The following ZC3H12C variants were observed in gnomAD, a reference collection of about 807,000 sequenced individuals.
ZC3H12C encodes the protein zinc finger CCCH-type containing 12C.
In ZC3H12C, 20 loss-of-function variants were observed where a neutral mutation model predicts 76.3. That is an observed-to-expected ratio of 0.26 (90% CI 0.18 to 0.38). The LOEUF (loss-of-function observed/expected upper bound fraction) is 0.38, where lower values mean the gene tolerates loss of function less well. ZC3H12C is among the 10% of genes least tolerant of loss of function. The pLI, the probability that ZC3H12C is intolerant of heterozygous loss-of-function variation, is 1.00. For synonymous variants in ZC3H12C, 352 were observed against 399.6 expected (o/e 0.88, Z 1.42); for missense variants, 874 against 1,086.5 (o/e 0.80, Z 2.75).
intron 1 of ZC3H12C, among the ~76,000 whole-genome samples, chr11:110,130,459 T>G (rs965558548): frequency 6.6e-6 from 1 of 152,296 alleles, no homozygotes; most frequent in African/African-American, 2.4e-5. Flanking sequence ...GGGAAATAGT[T>G]TGACTATACC....
At chr11:110,144,807 A>C (rs1025537226) in intron 2 of ZC3H12C, among the ~76,000 whole-genome samples, 5 of 152,156 alleles carry the variant, frequency 3.3e-5, no homozygotes, top group African/African-American at 1.2e-4. Context: ...AAAAAGAGGC[A>C]GTCTCTTTTT....
Position 110,170,679 on chromosome 11 carries a change from G to A in ZC3H12C, c.*4942G>A, listed in dbSNP as rs534347679. 1.1e-4 allele frequency: 16 copies of A among 152,250 alleles called. No homozygotes were observed. The highest frequency in any genetic ancestry group is 5.2e-4 in the Admixed American group (8 of 15,292). 9.4% of individuals were successfully genotyped at this position (152,250 alleles called of 1,614,324 possible). A position where few individuals can be genotyped will look rare whatever the true frequency, so the allele number is the denominator to read the frequency against. ...TATGATCATATGTAATTTTGAATTC[G>A]TTGGAAGTACACGCTGCTGAGCATG... On this transcript the variant is annotated 3_prime_UTR_variant, in exon 6 of 6. Transcript: ENST00000278590.
At position 110,168,458 on chromosome 11, in the gene ZC3H12C, C is replaced by G. The variant is rs910412599; in HGVS notation, c.*2721C>G. 1.3e-5 allele frequency: 2 copies of G among 152,116 alleles called. No homozygotes were observed. The highest frequency in any genetic ancestry group is 4.8e-5 in the African/African-American group (2 of 41,424). 9.4% of individuals were successfully genotyped at this position (152,116 alleles called of 1,614,324 possible). On this transcript the variant is annotated 3_prime_UTR_variant, in exon 6 of 6. Coordinates refer to ENST00000278590, the MANE Select transcript of ZC3H12C (RefSeq NM_033390.2). ...TCATTAAATTAAATCCATAGCTGAT[C>G]ACAAGCCTTCATTTTAGCCAAAACT...
chr11:110,098,939 G>A (rs1339175219), intron 1 of ZC3H12C, among the ~76,000 whole-genome samples: 2 of 152,156 alleles, frequency 1.3e-5, no homozygotes, highest in African/African-American at 4.8e-5. Context: ...AGTATTGTGA[G>A]GTTTAAGCAA....
rs1198933804 is a variant in ZC3H12C at position 110,170,984 on chromosome 11, GGT to G, written c.*5248_*5249del. On this transcript the variant is annotated 3_prime_UTR_variant, in exon 6 of 6. Transcript: ENST00000278590. Reference sequence around the variant, plus strand: ...CCTTAGTCTTTTAAAGACAATTTAAGGTATTGGCCATTTGGCAGTAGAAAATG... The same window carrying G: ...CCTTAGTCTTTTAAAGACAATTTAAGATTGGCCATTTGGCAGTAGAAAATG... 2 of 152,122 alleles carry G rather than the reference GGT, an allele frequency of 1.3e-5. No individual in the cohort carries two copies. Among genetic ancestry groups the G allele is most frequent in the African/African-American group, 2.4e-5 (1 of 41,434 alleles). The allele number at this position is 152,122 out of a possible 1,614,324, so 9.4% of individuals were successfully genotyped here. A position where few individuals can be genotyped will look rare whatever the true frequency, so the allele number is the denominator to read the frequency against.
chr11:110,105,769 A>T (rs926371959), intron 1 of ZC3H12C, among the ~76,000 whole-genome samples: 1 of 152,118 alleles, frequency 6.6e-6, no homozygotes, highest in Non-Finnish European at 1.5e-5. Flanking sequence ...TTCCTGTGTC[A>T]TAAACATCCT....
Position 110,137,271 on chromosome 11 carries a change from A to G in ZC3H12C, c.630A>G (p.Gln210=). ...VKLGNKSEAD[Q]TVSTINTITR... Reference sequence around the variant, plus strand: ...TTGGAAATAAAAGTGAGGCTGATCAAACGGTTAGTACAATTAACACTATAA... The same window carrying G: ...TTGGAAATAAAAGTGAGGCTGATCAGACGGTTAGTACAATTAACACTATAA... Residue 210 remains glutamine (Q), a synonymous_variant, in exon 2 of 6, where the codon CAA becomes CAG. Coordinates refer to ENST00000278590, the MANE Select transcript of ZC3H12C (RefSeq NM_033390.2). 1 of 1,613,958 alleles carries G rather than the reference A, an allele frequency of 6.2e-7. No homozygotes were observed. Among genetic ancestry groups the G allele is most frequent in the Non-Finnish European group, 8.5e-7 (1 of 1,179,876 alleles).
chr11:110,142,296 C>T (rs1862079954), intron 2 of ZC3H12C, among the ~76,000 whole-genome samples: 1 of 152,148 alleles, frequency 6.6e-6, no homozygotes, highest in South Asian at 2.1e-4. Context: ...CCTATTATCT[C>T]AAGTGTGCTT....
chr11:110,159,578 A>C, intron 4 of ZC3H12C, 88 bp downstream of exon 4: 3 of 1,110,914 alleles, frequency 2.7e-6, no homozygotes, highest in Non-Finnish European at 3.9e-6. Flanking sequence ...TCTTTTTGCC[A>C]CTGTCCAGAC....
rs909804463 is a variant in ZC3H12C, at chr11:110,107,012, A to G, written c.21+13580A>G. Among the ~76,000 whole-genome samples the G allele has an allele frequency of 5.3e-5, 8 of 152,352 alleles. No individual in the cohort carries two copies. The East Asian group carries it at 1.5e-3, about 29-fold the overall frequency. On this transcript the variant is annotated intron_variant, in intron 1 of 5. Coordinates refer to ENST00000278590, the MANE Select transcript of ZC3H12C (RefSeq NM_033390.2). Reference sequence around the variant, plus strand: ...AATAGGACTTCTTGTTTTCTAACACAGGTATCTCCTGCTTATATACACATG... The same window carrying G: ...AATAGGACTTCTTGTTTTCTAACACGGGTATCTCCTGCTTATATACACATG...
At chr11:110,093,987 C>T (rs1397360917) in intron 1 of ZC3H12C, among the ~76,000 whole-genome samples, 3 of 152,198 alleles carry the variant, frequency 2.0e-5, no homozygotes, top group Non-Finnish European at 1.5e-5. Flanking sequence ...CTCCTTCACC[C>T]CCAGGCTCCA....
At chr11:110,124,404 C>G (rs1034628735) in intron 1 of ZC3H12C, 7 of 152,102 alleles carry the variant, frequency 4.6e-5, no homozygotes, top group Admixed American at 1.3e-4. Flanking sequence ...GATCAGCACA[C>G]TGCTGCATGC....
chr11:110,097,329 T>C (rs7126991), intron 1 of ZC3H12C, among the ~76,000 whole-genome samples: 106,942 of 152,150 alleles, frequency 0.7, 37,863 homozygotes, highest in East Asian at 0.89. Flanking sequence ...ATTCTGCCTT[T>C]AAGATAAGTA....
In ZC3H12C at chr11:110,162,320, T is replaced by G. The variant is rs560019725; in HGVS notation, c.1149-953T>G. ...AGTAATTGTATTAAGATTGTGGGAT[T>G]GAGTGACTTTATCTTCTGTTTTGTA... On this transcript the variant is annotated intron_variant, in intron 4 of 5. Transcript: ENST00000278590. 1.9e-4 allele frequency among the ~76,000 whole-genome samples: 29 copies of G among 152,348 alleles called. No individual in the cohort carries two copies. The South Asian group carries it at 5.8e-3, about 31-fold the overall frequency.
At chr11:110,117,686 TACAC>T (rs1200621571) in intron 1 of ZC3H12C, among the ~76,000 whole-genome samples, 9 of 138,020 alleles carry the variant, frequency 6.5e-5, no homozygotes, top group Middle Eastern at 7.7e-3. Context: ...ATTATATATA[TACAC>T]ACACACATAT....
In ZC3H12C at chr11:110,168,826, T is replaced by C. The variant is rs1479859546; in HGVS notation, c.*3089T>C. 6.6e-6 allele frequency: 1 copy of C among 152,178 alleles called. No homozygotes were observed. Among genetic ancestry groups the C allele is most frequent in the East Asian group, 1.9e-4 (1 of 5,202 alleles). 9.4% of individuals were successfully genotyped at this position (152,178 alleles called of 1,614,324 possible). A position where few individuals can be genotyped will look rare whatever the true frequency, so the allele number is the denominator to read the frequency against. On this transcript the variant is annotated 3_prime_UTR_variant, in exon 6 of 6. Transcript: ENST00000278590. ...CATTGACTTACACATTTGGAAGAAA[T>C]GCACACCAGTGTAATATATTTGATA...
At chr11:110,093,509 C>A in intron 1 of ZC3H12C, 77 bp downstream of exon 1, 1 of 1,076,436 alleles carries the variant, frequency 9.3e-7, no homozygotes, top group Non-Finnish European at 1.2e-6. Flanking sequence ...TGGGGAGGGC[C>A]GCGGGGCCGC....
chr11:110,158,427 T>G (rs1008330892), intron 3 of ZC3H12C, among the ~76,000 whole-genome samples: 3 of 151,796 alleles, frequency 2.0e-5, no homozygotes, highest in African/African-American at 7.3e-5. Context: ...CAAGAATCAC[T>G]TGAACCGGGG....
intron 1 of ZC3H12C, among the ~76,000 whole-genome samples, chr11:110,107,277 A>T (rs1340121074): frequency 6.6e-6 from 1 of 152,190 alleles, no homozygotes; most frequent in Non-Finnish European, 1.5e-5. Flanking sequence ...AAATTTTGAG[A>T]CCTATTTTTA....
Sources: gnomAD v4.1 joint callset for allele counts (sites outside exome capture counted in the v4.1 genomes callset) on GRCh38, gnomAD v4.1.1 for gene constraint, MANE v1.5 for transcripts, NCBI Gene and HGNC (gene_info 2026-07-23, HGNC 2026-07-21) for gene names.